KIN: variants seen among roughly 807,000 people sequenced by gnomAD.
The protein encoded by KIN is DNA/RNA-binding protein KIN17.
KIN carries 47 observed loss-of-function variants against 63.0 expected under a neutral mutation model. That is an observed-to-expected ratio of 0.75 (90% CI 0.59 to 0.95). The LOEUF (loss-of-function observed/expected upper bound fraction) is 0.95, where lower values mean the gene tolerates loss of function less well. Ranked by LOEUF, KIN falls within the 40% of genes least tolerant of loss-of-function variation. The probability of loss-of-function intolerance (pLI) is 0.00; values close to 1 mark genes in which losing one functional copy is unlikely to be tolerated. For synonymous variants in KIN, 160 were observed against 157.7 expected (o/e 1.01, Z -0.11); for missense variants, 408 against 460.9 (o/e 0.89, Z 1.05).
At chr10:7,762,585 T>A in intron 10 of KIN, 29 bp from the exon 11 acceptor site, 1 of 1,270,428 alleles carries the variant, frequency 7.9e-7, no homozygotes, top group South Asian at 1.3e-5. Context: ...ACTTTTATAA[T>A]AGAAGAAATA....
At chr10:7,781,022 C>G (rs12359245) in intron 2 of KIN, among the ~76,000 whole-genome samples, 2 of 152,056 alleles carry the variant, frequency 1.3e-5, no homozygotes, top group African/African-American at 4.8e-5. Context: ...CTGGGTACAC[C>G]GTATTAAGTG....
intron 11 of KIN, 83 bp from the exon 12 acceptor site, chr10:7,760,073 C>CCTG: frequency 1.5e-6 from 1 of 654,106 alleles, no homozygotes; most frequent in Non-Finnish European, 2.6e-6. Context: ...ATGTACTACA[C>CCTG]TGAATAAACA....
chr10:7,765,613 C>T (rs1055350084), intron 9 of KIN, among the ~76,000 whole-genome samples: 2 of 151,992 alleles, frequency 1.3e-5, no homozygotes, highest in Non-Finnish European at 2.9e-5. Flanking sequence ...ATAAAACTCC[C>T]TTGAGTTTGT....
At chr10:7,776,185 A>G (rs190906162) in intron 5 of KIN, among the ~76,000 whole-genome samples, 1 of 149,684 alleles carries the variant, frequency 6.7e-6, no homozygotes, top group African/African-American at 2.5e-5. Context: ...AGCCAAGATC[A>G]TGCCACTGCA....
rs1835317385 is a variant in KIN at position 7,755,565 on chromosome 10, G to A, written c.*515C>T. 6.6e-6 allele frequency: 1 copy of A among 152,188 alleles called. No homozygotes were observed. Among genetic ancestry groups the A allele is most frequent in the Non-Finnish European group, 1.5e-5 (1 of 68,058 alleles). The allele number at this position is 152,188 out of a possible 1,614,324, so 9.4% of individuals were successfully genotyped here. ...TGAAAGTGTTTTAAAATCAGACAGT[G>A]GTGATGGCTGCACAATTCTGCAAAA... On this transcript the variant is annotated 3_prime_UTR_variant, in exon 13 of 13. Coordinates refer to ENST00000379562, the MANE Select transcript of KIN (RefSeq NM_012311.4).
intron 9 of KIN, among the ~76,000 whole-genome samples, chr10:7,764,025 C>T (rs934117832): frequency 1.3e-5 from 2 of 152,120 alleles, no homozygotes; most frequent in Non-Finnish European, 1.5e-5. Context: ...AAAATATATA[C>T]ATATATATAA....
At chr10:7,774,340 T>C (rs1286308172) in intron 7 of KIN, among the ~76,000 whole-genome samples, 1 of 152,082 alleles carries the variant, frequency 6.6e-6, no homozygotes, top group Admixed American at 6.6e-5. Context: ...AAAATGCAGA[T>C]CCAGCTAACA....
intron 4 of KIN, among the ~76,000 whole-genome samples, chr10:7,779,444 A>C (rs982154877): frequency 6.6e-6 from 1 of 152,142 alleles, no homozygotes; most frequent in African/African-American, 2.4e-5. Flanking sequence ...ACACTAAAAC[A>C]CATTCAAATA....
chr10:7,775,721 AAAAAAAG>A, intron 6 of KIN, 23 bp downstream of exon 6: 1 of 1,296,502 alleles, frequency 7.7e-7, no homozygotes, highest in South Asian at 1.3e-5. Flanking sequence ...ATCTATGTTT[AAAAAAAG>A]AAAAAATAAA....
rs144499188 is a variant in KIN at position 7,759,902 on chromosome 10, G to A, written c.1107C>T (p.Ile369=). 632 of 1,521,040 alleles carry A rather than the reference G, an allele frequency of 4.2e-4. 9 individuals carry two copies. The South Asian group carries it at 6.8e-3, about 16-fold the overall frequency. 94.2% of individuals were successfully genotyped at this position (1,521,040 alleles called of 1,614,324 possible). A position where few individuals can be genotyped will look rare whatever the true frequency, so the allele number is the denominator to read the frequency against. ...TAAACAAACTTACAGTTTCAATGAC[G>A]ATAGTAGCTGAAAAAGTCTTCTCAT... ...SINEKTFSAT[I]VIETGPLKGR... Residue 369 remains isoleucine, a synonymous_variant, in exon 12 of 13, where the codon ATC becomes ATT. Coordinates refer to ENST00000379562, the MANE Select transcript of KIN (RefSeq NM_012311.4).
rs193059570 is a variant in KIN, at chr10:7,770,211, G to A, written c.669-866C>T. Reference sequence around the variant, plus strand: ...CTCCCAAAGTGCTGGGATTACAGGCGTAAGCCACCGTGCCCGGCTGACAGT... The same window carrying A: ...CTCCCAAAGTGCTGGGATTACAGGCATAAGCCACCGTGCCCGGCTGACAGT... On this transcript the variant is annotated intron_variant, in intron 7 of 12. Coordinates refer to ENST00000379562, the MANE Select transcript of KIN (RefSeq NM_012311.4). Among the ~76,000 whole-genome samples, 559 of 152,288 alleles carry A rather than the reference G, an allele frequency of 3.7e-3. 1 individual carries two copies. Among genetic ancestry groups the A allele is most frequent in the Admixed American group, 9.5e-3 (146 of 15,300 alleles).
chr10:7,766,162 A>G, intron 8 of KIN, 59 bp from the exon 9 acceptor site: 4 of 1,188,546 alleles, frequency 3.4e-6, no homozygotes, highest in South Asian at 1.3e-5. Flanking sequence ...ATTTCAAAAT[A>G]CCATTCTATT....
chr10:7,751,127 G>C lies in KIN; in HGVS notation c.*4953C>G, dbSNP rs919197471. 1 of 152,182 alleles carries C rather than the reference G, an allele frequency of 6.6e-6. No individual in the cohort carries two copies. Among genetic ancestry groups the C allele is most frequent in the African/African-American group, 2.4e-5 (1 of 41,450 alleles). 9.4% of individuals were successfully genotyped at this position (152,182 alleles called of 1,614,324 possible). ...GTATAGTGGATTTTGGTGCTAAGATGCAAGTCTGAACCAGTGTAATTCTGT... is the reference window on the plus strand; with the variant it reads ...GTATAGTGGATTTTGGTGCTAAGATCCAAGTCTGAACCAGTGTAATTCTGT... On this transcript the variant is annotated 3_prime_UTR_variant, in exon 13 of 13. Coordinates refer to ENST00000379562, the MANE Select transcript of KIN (RefSeq NM_012311.4).
rs1835790009 is a variant in KIN at position 7,776,955 on chromosome 10, T to C, written c.559-1156A>G. On this transcript the variant is annotated intron_variant, in intron 5 of 12. Transcript: ENST00000379562. Reference sequence around the variant, plus strand: ...ACACCTATAGTCCCAGCTACTCATATGAGGCAAGAGGTTCACTTGAGCACC... The same window carrying C: ...ACACCTATAGTCCCAGCTACTCATACGAGGCAAGAGGTTCACTTGAGCACC... Among the ~76,000 whole-genome samples, 3 of 147,748 alleles carry C rather than the reference T, an allele frequency of 2.0e-5. No homozygotes were observed. The Admixed American group carries it at 2.1e-4, about 10-fold the overall frequency.
intron 5 of KIN, among the ~76,000 whole-genome samples, chr10:7,776,717 A>C (rs1243092160): frequency 7.2e-6 from 1 of 138,652 alleles, no homozygotes; most frequent in African/African-American, 2.7e-5. Context: ...TGGGTGACAG[A>C]GCAAGACTCT....
intron 5 of KIN, among the ~76,000 whole-genome samples, chr10:7,777,904 C>CA (rs148544006): frequency 3.2e-4 from 48 of 148,360 alleles, no homozygotes; most frequent in East Asian, 3.1e-3. Context: ...GTCCCCCCCC[C>CA]AAAAAAAAAA....
chr10:7,782,734 AG>A (rs1334804447), intron 2 of KIN, among the ~76,000 whole-genome samples: 1 of 152,198 alleles, frequency 6.6e-6, no homozygotes, highest in Non-Finnish European at 1.5e-5. Flanking sequence ...AATAAACCAC[AG>A]AAAAACTTAA....
rs575567805 is a variant in KIN, at chr10:7,777,740, A to C, written c.558+1098T>G. 1.1e-3 allele frequency among the ~76,000 whole-genome samples: 171 copies of C among 152,280 alleles called. 1 individual carries two copies. Among genetic ancestry groups the C allele is most frequent in the African/African-American group, 3.9e-3 (164 of 41,554 alleles). ...TGGTGAAACCCCGTCTCTACTAAAA[A>C]TGCAAAAAATTAGCTGGGCATGGTG... On this transcript the variant is annotated intron_variant, in intron 5 of 12. Coordinates refer to ENST00000379562, the MANE Select transcript of KIN (RefSeq NM_012311.4).
chr10:7,787,071 C>T (rs1836032028), intron 1 of KIN, among the ~76,000 whole-genome samples: 1 of 117,644 alleles, frequency 8.5e-6, no homozygotes, highest in Non-Finnish European at 2.0e-5. Flanking sequence ...AGTGTAAATT[C>T]CATAGTGTAG....
Sources: gnomAD v4.1 joint callset for allele counts (sites outside exome capture counted in the v4.1 genomes callset) on GRCh38, gnomAD v4.1.1 for gene constraint, MANE v1.5 for transcripts, NCBI Gene and HGNC (gene_info 2026-07-23, HGNC 2026-07-21) for gene names.